Variants in DGKH observed in about 807,000 individuals in gnomAD.
The protein encoded by DGKH is DAG kinase eta.
A neutral mutation model predicts 159.3 loss-of-function variants in DGKH; 90 were observed. The observed-to-expected ratio is 0.57, with a 90% CI of 0.48 to 0.67. The LOEUF is 0.67. DGKH is among the 30% of genes least tolerant of loss of function. DGKH has a pLI of 0.00. For missense variants in DGKH, 1,181 were observed against 1,506.1 expected, an observed-to-expected ratio of 0.78 and a Z score of 3.57; for synonymous variants, 536 against 553.8, an observed-to-expected ratio of 0.97 and a Z score of 0.45.
intron 26 of DGKH, among the ~76,000 whole-genome samples, chr13:42,218,160 C>T (rs1017644784): frequency 1.3e-5 from 2 of 152,214 alleles, no homozygotes; most frequent in Admixed American, 6.5e-5. Flanking sequence ...AGAATCCAAT[C>T]GACTGCCTTC....
chr13:42,186,964 T>G, intron 13 of DGKH, 85 bp from the exon 14 acceptor site: 1 of 1,167,716 alleles, frequency 8.6e-7, no homozygotes, highest in Non-Finnish European at 1.3e-6. Flanking sequence ...GTTTGCTTAA[T>G]TGTGTTTCTT....
At chr13:42,169,206 A>G (rs895365021) in intron 11 of DGKH, among the ~76,000 whole-genome samples, 3 of 152,238 alleles carry the variant, frequency 2.0e-5, no homozygotes, top group African/African-American at 7.2e-5. Context: ...GTTTCCAAAA[A>G]GCTAAAGAGG....
At chr13:42,168,842 A>C (rs1450582028) in intron 11 of DGKH, 24 bp downstream of exon 11, 3 of 1,597,688 alleles carry the variant, frequency 1.9e-6, no homozygotes, top group Non-Finnish European at 2.6e-6. Flanking sequence ...CTTTTCTACA[A>C]CTAGATGGAA....
At chr13:42,071,395 A>G (rs1882959937) in intron 1 of DGKH, among the ~76,000 whole-genome samples, 1 of 152,242 alleles carries the variant, frequency 6.6e-6, no homozygotes, top group African/African-American at 2.4e-5. Context: ...AAACTCAAAC[A>G]GAATGAAATG....
chr13:42,171,523 C>T (rs1201305926), intron 11 of DGKH, among the ~76,000 whole-genome samples: 1 of 152,202 alleles, frequency 6.6e-6, no homozygotes. Flanking sequence ...ATGGAGGGTG[C>T]AAGGAACTCA....
intron 16 of DGKH, among the ~76,000 whole-genome samples, chr13:42,192,395 A>T (rs1159459193): frequency 1.3e-5 from 2 of 152,142 alleles, no homozygotes; most frequent in Non-Finnish European, 2.9e-5. Context: ...CCATGATTAC[A>T]GTAATTATTA....
chr13:42,185,740 T>A (rs1359514165), intron 13 of DGKH, among the ~76,000 whole-genome samples: 1 of 152,168 alleles, frequency 6.6e-6, no homozygotes, highest in African/African-American at 2.4e-5. Flanking sequence ...TGAAGTATTG[T>A]TCATGATCAA....
intron 3 of DGKH, among the ~76,000 whole-genome samples, chr13:42,133,814 C>A (rs1036136073): frequency 6.6e-6 from 1 of 152,174 alleles, no homozygotes; most frequent in Non-Finnish European, 1.5e-5. Flanking sequence ...GTAGAACTTT[C>A]CAGGGTATAA....
intron 13 of DGKH, 119 bp downstream of exon 13, chr13:42,178,339 A>G: frequency 2.9e-6 from 2 of 699,904 alleles, no homozygotes; most frequent in Non-Finnish European, 2.2e-6. Flanking sequence ...AGTAGCTTAT[A>G]AAATTAGATG....
intron 29 of DGKH, chr13:42,225,450 T>C: frequency 1.0e-6 from 1 of 997,366 alleles, no homozygotes; most frequent in African/African-American, 1.7e-5. Flanking sequence ...AAATTTGGAC[T>C]GTTTATCCAG....
chr13:42,070,123 A>G (rs1440014176), intron 1 of DGKH: 10 of 955,646 alleles, frequency 1.0e-5, no homozygotes, highest in Non-Finnish European at 1.7e-5. Flanking sequence ...TGGCTTATCC[A>G]TTGGAAAAGA....
At chr13:42,209,279 G>A (rs1195408983) in intron 22 of DGKH, 52 bp from the exon 23 acceptor site, 4 of 1,576,140 alleles carry the variant, frequency 2.5e-6, no homozygotes, top group Non-Finnish European at 3.4e-6. Context: ...TAAAGATTGA[G>A]TGTCATTTTC....
In DGKH at chr13:42,237,404, A is replaced by G. The variant is rs1281986192; in HGVS notation, c.*8216A>G. The G allele has an allele frequency of 2.6e-5, 4 of 152,354 alleles. No homozygotes were observed. In the East Asian group the frequency reaches 7.7e-4, roughly 29 times the overall value. The allele number at this position is 152,354 out of a possible 1,614,324, so 9.4% of individuals were successfully genotyped here. A position where few individuals can be genotyped will look rare whatever the true frequency, so the allele number is the denominator to read the frequency against. ...AAGCAGTTATTGGAAGTGGGGGAAAAAAAGAAAACTGGTGAGAGAAATTAC... is the reference window on the plus strand; with the variant it reads ...AAGCAGTTATTGGAAGTGGGGGAAAGAAAGAAAACTGGTGAGAGAAATTAC... On this transcript the variant is annotated 3_prime_UTR_variant, in exon 30 of 30. Transcript: ENST00000337343.
intron 1 of DGKH, among the ~76,000 whole-genome samples, chr13:42,049,896 CAGAG>C (rs922411869): frequency 1.3e-5 from 2 of 152,188 alleles, no homozygotes; most frequent in South Asian, 2.1e-4. Flanking sequence ...AAAATCTTCA[CAGAG>C]AGAGTCTGTT....
Position 42,159,263 on chromosome 13 carries a change from T to TTTTTTTTTTTTTGTGTTTAA in DGKH, c.623-3_623-2insTTTTTTTTTTTTGTGTTTAA. 1 of 1,249,720 alleles carries TTTTTTTTTTTTTGTGTTTAA rather than the reference T, an allele frequency of 8.0e-7. No individual in the cohort carries two copies. Among genetic ancestry groups the TTTTTTTTTTTTTGTGTTTAA allele is most frequent in the Non-Finnish European group, 1.1e-6 (1 of 894,574 alleles). 77.4% of individuals were successfully genotyped at this position (1,249,720 alleles called of 1,614,324 possible). On this transcript the variant is annotated splice_polypyrimidine_tract_variant and splice_region_variant and intron_variant, in intron 5 of 29. Transcript: ENST00000337343. ...GTTGCTCTTTTTTTTTTTTTTTTTT[T>TTTTTTTTTTTTTGTGTTTAA]AGTGTGTAAATTCAAGGCTCACAAA...
intron 1 of DGKH, among the ~76,000 whole-genome samples, chr13:42,088,809 C>T (rs1229662364): frequency 6.6e-6 from 1 of 152,130 alleles, no homozygotes; most frequent in Non-Finnish European, 1.5e-5. Flanking sequence ...TAAACACTTC[C>T]TTTTGAATGC....
At chr13:42,152,056 T>C (rs1955919169) in intron 3 of DGKH, among the ~76,000 whole-genome samples, 1 of 152,222 alleles carries the variant, frequency 6.6e-6, no homozygotes, top group Non-Finnish European at 1.5e-5. Context: ...TTTTTTTGTA[T>C]GTTTCTTGGC....
intron 21 of DGKH, among the ~76,000 whole-genome samples, chr13:42,208,731 A>AGGTATGAGTATGAGTAGTATAT (rs1957566817): frequency 2.0e-5 from 3 of 151,844 alleles, no homozygotes; most frequent in Non-Finnish European, 2.9e-5. Flanking sequence ...TAGTTTAATG[A>AGGTATGAGTATGAGTAGTATAT]GAGGTATGAG....
intron 1 of DGKH, among the ~76,000 whole-genome samples, chr13:42,111,415 A>T (rs1954861033): frequency 6.6e-6 from 1 of 152,298 alleles, no homozygotes; most frequent in East Asian, 1.9e-4. Flanking sequence ...CCCCGTTTCT[A>T]CTAAAAATAC....
Sources: gnomAD v4.1 joint callset for allele counts (sites outside exome capture counted in the v4.1 genomes callset) on GRCh38, gnomAD v4.1.1 for gene constraint, MANE v1.5 for transcripts, NCBI Gene and HGNC (gene_info 2026-07-23, HGNC 2026-07-21) for gene names.